The following CCSER1 variants were observed in gnomAD, a reference collection of about 807,000 sequenced individuals.
CCSER1 encodes coiled-coil serine rich protein 1.
Under a neutral mutation model 82.0 loss-of-function variants are expected in CCSER1, and 41 were observed. The ratio of observed to expected loss-of-function variants is 0.50; its 90% CI spans 0.39 to 0.65. CCSER1 has a LOEUF of 0.65. Among genes scored for constraint, CCSER1 ranks in the 30% least tolerant of loss-of-function variants. CCSER1 has a pLI of 0.00. For missense variants in CCSER1, 1,119 were observed against 1,064.2 expected (o/e 1.05, Z -0.72); for synonymous variants, 414 against 383.9 (o/e 1.08, Z -0.92).
intron 1 of CCSER1, among the ~76,000 whole-genome samples, chr4:90,295,968 A>G (rs1032013787): frequency 6.6e-6 from 1 of 152,070 alleles, no homozygotes; most frequent in Admixed American, 6.6e-5. Flanking sequence ...TCAGTGTTTT[A>G]AAATCAAGCC....
chr4:90,391,272 C>CAAAAAAAAAAA (rs1215360899), intron 3 of CCSER1, among the ~76,000 whole-genome samples: 2 of 35,022 alleles, frequency 5.7e-5, no homozygotes, highest in Non-Finnish European at 9.1e-5. Context: ...GACTCTGTCT[C>CAAAAAAAAAAA]AAAAAAAAAA....
At chr4:91,049,250 A>G (rs1227283716) in intron 9 of CCSER1, among the ~76,000 whole-genome samples, 1 of 152,212 alleles carries the variant, frequency 6.6e-6, no homozygotes, top group African/African-American at 2.4e-5. Context: ...ATGATAATAA[A>G]TAGAGGTAGT....
chr4:91,139,419 T>G (rs1728811384), intron 10 of CCSER1, among the ~76,000 whole-genome samples: 2 of 152,112 alleles, frequency 1.3e-5, no homozygotes, highest in South Asian at 4.1e-4. Flanking sequence ...TTTTCTCAAT[T>G]TATAAAAGAA....
intron 10 of CCSER1, chr4:91,319,872 T>A (rs1038539263): frequency 1.9e-5 from 7 of 361,534 alleles, no homozygotes; most frequent in Admixed American, 7.5e-5. Flanking sequence ...CCGTTTCACT[T>A]ACTTGTGGTC....
intron 3 of CCSER1, among the ~76,000 whole-genome samples, chr4:90,315,948 G>C (rs57992896): frequency 0.33 from 50,657 of 152,148 alleles, 8,629 homozygotes; most frequent in East Asian, 0.44. Context: ...GTAGCTGTCT[G>C]TGTGAACACT....
chr4:90,858,677 T>C (rs1278874345), intron 8 of CCSER1, among the ~76,000 whole-genome samples: 1 of 151,932 alleles, frequency 6.6e-6, no homozygotes, highest in Non-Finnish European at 1.5e-5. Context: ...TTTCTTACCT[T>C]TACCACGTCT....
At chr4:91,244,744 A>G (rs751127061) in intron 10 of CCSER1, among the ~76,000 whole-genome samples, 3 of 152,154 alleles carry the variant, frequency 2.0e-5, no homozygotes, top group African/African-American at 4.8e-5. Flanking sequence ...ATCTACAAGT[A>G]TCAGCATCAT....
chr4:91,270,932 G>A (rs891711377), intron 10 of CCSER1, among the ~76,000 whole-genome samples: 1 of 152,196 alleles, frequency 6.6e-6, no homozygotes, highest in Non-Finnish European at 1.5e-5. Context: ...ACTACAGGTT[G>A]TGTGTGGGGA....
intron 7 of CCSER1, chr4:90,781,900 CA>C: frequency 1.1e-6 from 1 of 928,202 alleles, no homozygotes; most frequent in Non-Finnish European, 1.3e-6. Context: ...ATGTACCTTA[CA>C]AAAAAAGATA....
chr4:90,621,605 G>T (rs114740804), intron 5 of CCSER1, among the ~76,000 whole-genome samples: 2,080 of 151,934 alleles, frequency 0.014, 43 homozygotes, highest in African/African-American at 0.048. Context: ...CAATATATGG[G>T]TCATCTCATT....
intron 8 of CCSER1, among the ~76,000 whole-genome samples, chr4:90,835,509 C>T (rs1386699900): frequency 6.6e-6 from 1 of 152,074 alleles, no homozygotes; most frequent in Non-Finnish European, 1.5e-5. Flanking sequence ...AGCCATGAGA[C>T]CAAACTGCAA....
At chr4:91,332,573 TA>T (rs35040789) in intron 10 of CCSER1, among the ~76,000 whole-genome samples, 4,027 of 149,526 alleles carry the variant, frequency 0.027, 165 homozygotes, top group African/African-American at 0.09. Context: ...AACTTTCAGA[TA>T]AAAAAAAAGG....
chr4:90,607,560 G>A (rs914259695), intron 5 of CCSER1, among the ~76,000 whole-genome samples: 4 of 151,962 alleles, frequency 2.6e-5, no homozygotes, highest in Non-Finnish European at 5.9e-5. Context: ...CCTGATTTCC[G>A]CCTTAATTTT....
intron 1 of CCSER1, among the ~76,000 whole-genome samples, chr4:90,188,493 T>G (rs1735028635): frequency 1.0e-5 from 1 of 99,926 alleles, no homozygotes; most frequent in Non-Finnish European, 1.9e-5. Flanking sequence ...AATGTGAAAA[T>G]ATCAAAACCA....
At chr4:91,444,223 G>A (rs1439035382) in intron 10 of CCSER1, among the ~76,000 whole-genome samples, 1 of 152,142 alleles carries the variant, frequency 6.6e-6, no homozygotes, top group Non-Finnish European at 1.5e-5. Flanking sequence ...GAGAATCTGA[G>A]TATTCAACAA....
Position 91,163,107 on chromosome 4 carries a change from G to T in CCSER1, c.2217+77113G>T, listed in dbSNP as rs1025808706. Among the ~76,000 whole-genome samples, 3 of 152,172 alleles carry T rather than the reference G, an allele frequency of 2.0e-5. No homozygotes were observed. The South Asian group carries it at 6.2e-4, about 32-fold the overall frequency. ...TCCCTTTACACACAGTTTTAAATGT[G>T]TCCCAGAGATTCTGGTATGTTGTGT... On this transcript the variant is annotated intron_variant, in intron 10 of 10. Transcript: ENST00000509176.
intron 10 of CCSER1, among the ~76,000 whole-genome samples, chr4:91,426,110 C>T (rs1018824516): frequency 1.3e-5 from 2 of 152,212 alleles, no homozygotes; most frequent in South Asian, 4.1e-4. Flanking sequence ...CATTGTTCAA[C>T]TCCCACTATG....
chr4:90,630,868 G>GACTATT (rs1553964990), intron 6 of CCSER1, among the ~76,000 whole-genome samples: 3 of 143,336 alleles, frequency 2.1e-5, no homozygotes, highest in African/African-American at 7.6e-5. Context: ...TTTGTTCACA[G>GACTATT]ATTATTATTA....
intron 5 of CCSER1, among the ~76,000 whole-genome samples, chr4:90,533,832 C>G (rs1171510004): frequency 6.6e-6 from 1 of 152,056 alleles, no homozygotes; most frequent in Non-Finnish European, 1.5e-5. Flanking sequence ...TTTATTCATT[C>G]AAAAATGACA....
Sources: gnomAD v4.1 joint callset for allele counts (sites outside exome capture counted in the v4.1 genomes callset) on GRCh38, gnomAD v4.1.1 for gene constraint, MANE v1.5 for transcripts, NCBI Gene and HGNC (gene_info 2026-07-23, HGNC 2026-07-21) for gene names.